Variants in THADA observed in about 807,000 individuals in gnomAD.
The protein encoded by THADA is THADA armadillo repeat containing, also known as tRNA (32-2'-O)-methyltransferase regulator THADA.
Under a neutral mutation model 219.8 loss-of-function variants are expected in THADA, and 213 were observed. The observed-to-expected ratio is 0.97, with a 90% CI of 0.87 to 1.09. The LOEUF (loss-of-function observed/expected upper bound fraction) is 1.09, where lower values mean the gene tolerates loss of function less well. THADA is among the 50% of genes least tolerant of loss of function. THADA has a pLI of 0.00. For missense variants in THADA, 2,956 were observed against 2,311.3 expected (o/e 1.28, Z -5.72); for synonymous variants, 1,018 against 828.9 (o/e 1.23, Z -3.92).
intron 26 of THADA, among the ~76,000 whole-genome samples, chr2:43,448,563 T>TTC (rs1553447409): frequency 1.0e-4 from 15 of 148,956 alleles, no homozygotes; most frequent in South Asian, 6.4e-4. Flanking sequence ...TTCCTTTCTT[T>TTC]TTTTTTTTTT....
chr2:43,340,800 G>A (rs2104526990), intron 30 of THADA, among the ~76,000 whole-genome samples: 1 of 152,272 alleles, frequency 6.6e-6, no homozygotes, highest in Middle Eastern at 3.4e-3. Context: ...CATGGGAAAG[G>A]CAGGTGAGAA....
At chr2:43,466,746 T>C (rs1684284767) in intron 26 of THADA, among the ~76,000 whole-genome samples, 1 of 152,226 alleles carries the variant, frequency 6.6e-6, no homozygotes, top group Admixed American at 6.5e-5. Flanking sequence ...TAAGAGATAT[T>C]TTCCCCATTC....
Position 43,586,905 on chromosome 2 carries a change from A to G in THADA, c.400T>C (p.Tyr134His), listed in dbSNP as rs1458561964. Reference protein sequence around the residue: ...EELNTTDLYSYRKVTDNISSC... With the variant: ...EELNTTDLYSHRKVTDNISSC... ...GAAATATTGTCAGTAACTTTCCTGTAAGAGTATAAGTCAGTAGTATTCAAT... is the reference window on the plus strand; with the variant it reads ...GAAATATTGTCAGTAACTTTCCTGTGAGAGTATAAGTCAGTAGTATTCAAT... The change falls in exon 5 of 38, where the codon TAC becomes CAC. Residue 134 changes from tyrosine (Y) to histidine (H), a missense_variant. Physicochemically the swap from Tyr to His is moderately conservative, Grantham distance 83 (BLOSUM62 2). Coordinates refer to ENST00000405975, the MANE Select transcript of THADA (RefSeq NM_022065.5). 1 of 1,613,954 alleles carries G rather than the reference A, an allele frequency of 6.2e-7. No homozygotes were observed. Among genetic ancestry groups the G allele is most frequent in the East Asian group, 2.2e-5 (1 of 44,864 alleles).
chr2:43,274,556 C>T (rs1672497603), intron 36 of THADA, among the ~76,000 whole-genome samples: 1 of 152,124 alleles, frequency 6.6e-6, no homozygotes, highest in African/African-American at 2.4e-5. Flanking sequence ...CGTAGAATAG[C>T]AAAGGCTCTG....
intron 31 of THADA, among the ~76,000 whole-genome samples, chr2:43,294,841 AAAG>A (rs1488861752): frequency 6.9e-6 from 1 of 145,874 alleles, no homozygotes; most frequent in East Asian, 2.0e-4. Flanking sequence ...GGCAAAAAAG[AAAG>A]AAAAAAAAAC....
At chr2:43,569,685 T>C in intron 14 of THADA, among the ~76,000 whole-genome samples, 1 of 151,596 alleles carries the variant, frequency 6.6e-6, no homozygotes, top group Middle Eastern at 3.2e-3. Flanking sequence ...AAACGTATCA[T>C]TAATCTATTA....
At chr2:43,312,626 C>T (rs1424310406) in intron 31 of THADA, among the ~76,000 whole-genome samples, 2 of 152,008 alleles carry the variant, frequency 1.3e-5, no homozygotes, top group African/African-American at 4.8e-5. Flanking sequence ...CTCACTGTTC[C>T]CTGGGAAAGA....
intron 1 of THADA, among the ~76,000 whole-genome samples, chr2:43,595,084 T>C (rs1486504494): frequency 1.3e-5 from 2 of 152,230 alleles, no homozygotes; most frequent in East Asian, 1.9e-4. Context: ...AGTAGGTGTT[T>C]AACAAACACT....
intron 29 of THADA, among the ~76,000 whole-genome samples, chr2:43,361,930 G>A (rs1444270724): frequency 2.6e-5 from 4 of 152,178 alleles, no homozygotes; most frequent in Non-Finnish European, 2.9e-5. Context: ...CCCTCAAGAG[G>A]TTTATTCTTG....
At chr2:43,234,012 C>G (rs928565836) in intron 36 of THADA, among the ~76,000 whole-genome samples, 1 of 152,190 alleles carries the variant, frequency 6.6e-6, no homozygotes, top group Admixed American at 6.5e-5. Flanking sequence ...CACAGGCAGA[C>G]GACCGAGAAT....
intron 28 of THADA, among the ~76,000 whole-genome samples, chr2:43,412,993 G>A (rs1263876669): frequency 6.6e-6 from 1 of 152,138 alleles, no homozygotes; most frequent in African/African-American, 2.4e-5. Context: ...GAGTGCATGA[G>A]TTCAATACAC....
intron 31 of THADA, 126 bp downstream of exon 31, chr2:43,320,320 T>C (rs1678551456): frequency 3.1e-6 from 2 of 644,702 alleles, no homozygotes; most frequent in African/African-American, 3.6e-5. Context: ...CACTGTTTAA[T>C]TTTGATGTGT....
chr2:43,399,698 T>C (rs927294320), intron 28 of THADA, among the ~76,000 whole-genome samples: 1 of 152,100 alleles, frequency 6.6e-6, no homozygotes, highest in Non-Finnish European at 1.5e-5. Context: ...TTACAGTAGG[T>C]AGCTGGACAG....
intron 26 of THADA, among the ~76,000 whole-genome samples, chr2:43,477,237 G>A (rs368005239): frequency 1.3e-5 from 2 of 151,756 alleles, no homozygotes; most frequent in Non-Finnish European, 2.9e-5. Context: ...GGCAATATAT[G>A]TTCTTTGAGA....
intron 31 of THADA, among the ~76,000 whole-genome samples, chr2:43,304,296 A>G (rs1676595280): frequency 6.6e-6 from 1 of 152,194 alleles, no homozygotes; most frequent in African/African-American, 2.4e-5. Flanking sequence ...AAGCCCCGGT[A>G]ATCACACACA....
chr2:43,256,156 C>T (rs937327141), intron 36 of THADA, among the ~76,000 whole-genome samples: 1 of 152,140 alleles, frequency 6.6e-6, no homozygotes, highest in African/African-American at 2.4e-5. Context: ...ACACTCCTCC[C>T]AAAATGAAGT....
chr2:43,321,959 C>T (rs1318952031), intron 30 of THADA, among the ~76,000 whole-genome samples: 2 of 152,186 alleles, frequency 1.3e-5, no homozygotes, highest in African/African-American at 4.8e-5. Context: ...TTTACAATTT[C>T]CTTAAAGTTT....
At chr2:43,362,031 C>G (rs1402897094) in intron 29 of THADA, among the ~76,000 whole-genome samples, 2 of 152,158 alleles carry the variant, frequency 1.3e-5, no homozygotes, top group Admixed American at 6.5e-5. Context: ...GAGGAAAACT[C>G]TTTAAAATAG....
intron 29 of THADA, among the ~76,000 whole-genome samples, chr2:43,363,258 C>A (rs567453710): frequency 2.6e-5 from 4 of 152,250 alleles, no homozygotes; most frequent in Admixed American, 6.5e-5. Context: ...TGACTGGCAG[C>A]GGAACAGGTT....
Sources: gnomAD v4.1 joint callset for allele counts (sites outside exome capture counted in the v4.1 genomes callset) on GRCh38, gnomAD v4.1.1 for gene constraint, MANE v1.5 for transcripts, NCBI Gene and HGNC (gene_info 2026-07-23, HGNC 2026-07-21) for gene names.